NCAM1: variants seen among roughly 807,000 people sequenced by gnomAD.
NCAM1 encodes the protein neural cell adhesion molecule 1.
Under a neutral mutation model 109.8 loss-of-function variants are expected in NCAM1, and 14 were observed. The ratio of observed to expected loss-of-function variants is 0.13; its 90% CI spans 0.08 to 0.20. The LOEUF (loss-of-function observed/expected upper bound fraction) is 0.20. Ranked by LOEUF, NCAM1 falls within the 10% of genes least tolerant of loss-of-function variation. NCAM1 has a pLI of 1.00. For missense variants in NCAM1, 774 were observed against 1,109.9 expected (o/e 0.70, Z 4.30); for synonymous variants, 418 against 442.9 (o/e 0.94, Z 0.70).
At chr11:112,964,661 G>A (rs1012472327) in intron 1 of NCAM1, among the ~76,000 whole-genome samples, 1 of 152,162 alleles carries the variant, frequency 6.6e-6, no homozygotes, top group Non-Finnish European at 1.5e-5. Flanking sequence ...TATTTTTGTT[G>A]ATTTTCATTT....
At chr11:113,180,411 G>A (rs184397957) in intron 1 of NCAM1, among the ~76,000 whole-genome samples, 3 of 152,338 alleles carry the variant, frequency 2.0e-5, no homozygotes, top group Non-Finnish European at 2.9e-5. Flanking sequence ...TTAGCTGCAG[G>A]ATAAAAACAA....
Position 113,165,311 on chromosome 11 carries a change from T to C in NCAM1, c.53-37068T>C, listed in dbSNP as rs550242342. ...TTGGAAAAGGCCAATCGCTTTCTGA[T>C]GCACCTGTTCAAAAAGATAATTTCT... On this transcript the variant is annotated intron_variant, in intron 1 of 19. Transcript: ENST00000316851. Among the ~76,000 whole-genome samples the C allele has an allele frequency of 1.4e-3, 212 of 152,322 alleles. 3 individuals carry two copies. The highest frequency in any genetic ancestry group is 1.9e-3 in the Non-Finnish European group (128 of 68,024).
chr11:113,219,600 G>A (rs963957593), intron 8 of NCAM1, among the ~76,000 whole-genome samples: 2 of 152,164 alleles, frequency 1.3e-5, no homozygotes, highest in Non-Finnish European at 2.9e-5. Context: ...TGTTAGGGCC[G>A]AGATATTTCC....
intron 1 of NCAM1, among the ~76,000 whole-genome samples, chr11:113,069,967 G>T (rs1391502660): frequency 2.0e-5 from 3 of 152,070 alleles, no homozygotes; most frequent in Admixed American, 2.0e-4. Context: ...AGGAGGATTT[G>T]TCCAGCAAAA....
chr11:113,034,990 T>G (rs560331713), intron 1 of NCAM1, among the ~76,000 whole-genome samples: 1 of 152,348 alleles, frequency 6.6e-6, no homozygotes, highest in South Asian at 2.1e-4. Context: ...CTCTCGAGCA[T>G]TTTATGGTGA....
intron 14 of NCAM1, chr11:113,240,765 C>T (rs782664659): frequency 6.2e-7 from 1 of 1,611,704 alleles, no homozygotes; most frequent in Non-Finnish European, 8.5e-7. Context: ...TTTTTCCCCA[C>T]CTTCATTTTT....
intron 1 of NCAM1, among the ~76,000 whole-genome samples, chr11:113,082,901 G>T (rs1555087530): frequency 6.6e-6 from 1 of 152,186 alleles, no homozygotes; most frequent in East Asian, 1.9e-4. Flanking sequence ...CACGTCTATA[G>T]TACTGTGAGG....
At chr11:113,091,230 AAG>A (rs1487820135) in intron 1 of NCAM1, among the ~76,000 whole-genome samples, 1 of 151,894 alleles carries the variant, frequency 6.6e-6, no homozygotes, top group Non-Finnish European at 1.5e-5. Flanking sequence ...AGCATCTGGT[AAG>A]AGAGAAATCT....
chr11:113,252,190 G>A (rs1162683867), intron 15 of NCAM1, among the ~76,000 whole-genome samples: 1 of 152,144 alleles, frequency 6.6e-6, no homozygotes, highest in Non-Finnish European at 1.5e-5. Flanking sequence ...AAGGTGAGAG[G>A]ATAGCTTGAG....
chr11:113,082,406 TG>T lies in NCAM1; in HGVS notation c.53-119971del, dbSNP rs375791203. On this transcript the variant is annotated intron_variant, in intron 1 of 19. Coordinates refer to ENST00000316851, the MANE Select transcript of NCAM1 (RefSeq NM_181351.5). The stretch of plus-strand genomic sequence containing the variant: ...TGAGCAATAATTTAATACAGCGCTG[TG>T]GTAGTCTTATTGTAAAACCACAGGG... Among the ~76,000 whole-genome samples the T allele has an allele frequency of 3.7e-3, 567 of 152,354 alleles. 5 individuals are homozygous for T. Among genetic ancestry groups the T allele is most frequent in the African/African-American group, 0.013 (548 of 41,588 alleles).
At chr11:113,029,546 A>G (rs1952653802) in intron 1 of NCAM1, among the ~76,000 whole-genome samples, 2 of 152,226 alleles carry the variant, frequency 1.3e-5, no homozygotes, top group African/African-American at 4.8e-5. Flanking sequence ...ACCAATAGCA[A>G]CAGGGTTAAA....
Position 113,277,955 on chromosome 11 carries a change from T to TATA in NCAM1, c.*2571_*2573dup, listed in dbSNP as rs1224376850. The TATA allele has an allele frequency of 6.6e-6, 1 of 150,574 alleles. No individual in the cohort carries two copies. The highest frequency in any genetic ancestry group is 1.9e-4 in the East Asian group (1 of 5,184). The allele number at this position is 150,574 out of a possible 1,614,324, so 9.3% of individuals were successfully genotyped here. ...TCTTTTATGTTAAGAGATCAAAGCT[T>TATA]ATAATTTTCTTTTTTAATTTTTGAA... On this transcript the variant is annotated 3_prime_UTR_variant, in exon 20 of 20. Transcript: ENST00000316851.
At chr11:113,000,328 A>G (rs371631534) in intron 1 of NCAM1, among the ~76,000 whole-genome samples, 2 of 152,136 alleles carry the variant, frequency 1.3e-5, no homozygotes, top group East Asian at 1.9e-4. Context: ...TGATACAATG[A>G]CAGTTGTGAT....
rs201998863 is a variant in NCAM1 at position 113,185,066 on chromosome 11, A to ATT, written c.53-17311_53-17310dup. On this transcript the variant is annotated intron_variant, in intron 1 of 19. Transcript: ENST00000316851. ...TATATGTGTATGTGTGTGCATTTAT[A>ATT]TTTATATATATATAGAGAGAGAGAG... Among the ~76,000 whole-genome samples, 161 of 59,864 alleles carry ATT rather than the reference A, an allele frequency of 2.7e-3. 3 individuals carry two copies. In the South Asian group the frequency reaches 0.037, roughly 14 times the overall value. The allele number at this position is 59,864 out of a possible 152,430, so 39.3% of individuals were successfully genotyped here.
intron 8 of NCAM1, among the ~76,000 whole-genome samples, chr11:113,217,163 G>A (rs762267219): frequency 1.3e-5 from 2 of 152,168 alleles, no homozygotes; most frequent in South Asian, 2.1e-4. Context: ...ACCTTTTGAG[G>A]TCATCCAGTC....
intron 1 of NCAM1, among the ~76,000 whole-genome samples, chr11:112,985,732 T>C (rs1472602107): frequency 6.6e-6 from 1 of 151,934 alleles, no homozygotes; most frequent in Admixed American, 6.6e-5. Flanking sequence ...TATAGAAATA[T>C]TACTGATTTT....
In NCAM1 at chr11:113,202,368, T is replaced by C. The variant is rs549482336; in HGVS notation, c.53-11T>C. The C allele has an allele frequency of 6.2e-7, 1 of 1,610,832 alleles. No individual in the cohort carries two copies. The highest frequency in any genetic ancestry group is 8.5e-7 in the Non-Finnish European group (1 of 1,178,896). On this transcript the variant is annotated splice_polypyrimidine_tract_variant and intron_variant, in intron 1 of 19. Transcript: ENST00000316851. The stretch of plus-strand genomic sequence containing the variant: ...TTTTTTGTTTTGTTTTGTTTTGTTT[T>C]GTTTTTTCAGTTTCTCTGCAGGTGG...
chr11:113,134,830 T>C (rs35989432), intron 1 of NCAM1, among the ~76,000 whole-genome samples: 31 of 152,176 alleles, frequency 2.0e-4, no homozygotes, highest in Non-Finnish European at 3.5e-4. Flanking sequence ...AGTCATGAAT[T>C]CAAATCGTGT....
Position 113,189,436 on chromosome 11 carries a change from C to T in NCAM1, c.53-12943C>T, listed in dbSNP as rs186662754. Among the ~76,000 whole-genome samples, 43 of 122,388 alleles carry T rather than the reference C, an allele frequency of 3.5e-4. 1 individual carries two copies. Among genetic ancestry groups the T allele is most frequent in the Middle Eastern group, 4.6e-3 (1 of 218 alleles). The allele number at this position is 122,388 out of a possible 152,430, so 80.3% of individuals were successfully genotyped here. A position where few individuals can be genotyped will look rare whatever the true frequency, so the allele number is the denominator to read the frequency against. On this transcript the variant is annotated intron_variant, in intron 1 of 19. Coordinates refer to ENST00000316851, the MANE Select transcript of NCAM1 (RefSeq NM_181351.5). Reference sequence around the variant, plus strand: ...CTGCAGTCTGGCCTGGGTGACAGAGCGAGATTCTGTCTCAAAAAAAAAAAA... The same window carrying T: ...CTGCAGTCTGGCCTGGGTGACAGAGTGAGATTCTGTCTCAAAAAAAAAAAA...
Sources: allele counts gnomAD v4.1 joint callset (sites outside exome capture counted in the v4.1 genomes callset), GRCh38; gene constraint gnomAD v4.1.1; transcripts MANE v1.5; gene names NCBI Gene and HGNC (gene_info 2026-07-23, HGNC 2026-07-21).